LPIN2: variants seen among roughly 807,000 people sequenced by gnomAD.
LPIN2 encodes the protein lipin 2, also known as phosphatidate phosphatase LPIN2.
Under a neutral mutation model 111.4 loss-of-function variants are expected in LPIN2, and 55 were observed. The ratio of observed to expected loss-of-function variants is 0.49; its 90% CI spans 0.40 to 0.62. LPIN2 has a LOEUF of 0.62. Ranked by LOEUF, LPIN2 falls within the 20% of genes least tolerant of loss-of-function variation. LPIN2 has a pLI of 0.00. For missense variants in LPIN2, 992 were observed against 1,112.1 expected (o/e 0.89, Z 1.54); for synonymous variants, 425 against 414.0 (o/e 1.03, Z -0.32).
chr18:3,004,911 G>A (rs2078489055), intron 1 of LPIN2, among the ~76,000 whole-genome samples: 1 of 152,120 alleles, frequency 6.6e-6, no homozygotes, highest in Non-Finnish European at 1.5e-5. Flanking sequence ...GCATGGTAGG[G>A]CCACATCACC....
rs564971189 is a variant in LPIN2 at position 2,920,193 on chromosome 18, C to T, written c.*100G>A. The stretch of plus-strand genomic sequence containing the variant: ...GACCAGCTCCAGAAGCACCCGTCCC[C>T]GCTGGGGAAGGCTGGTATCTGAGGT... On this transcript the variant is annotated 3_prime_UTR_variant, in exon 20 of 20. Coordinates refer to ENST00000677752, the MANE Select transcript of LPIN2 (RefSeq NM_001375808.2). The T allele has an allele frequency of 1.5e-3, 2,284 of 1,535,708 alleles. 4 individuals are homozygous for T. Among genetic ancestry groups the T allele is most frequent in the Non-Finnish European group, 1.8e-3 (1,985 of 1,114,102 alleles).
At chr18:2,928,939 C>A in intron 10 of LPIN2, 126 bp downstream of exon 10, 1 of 722,200 alleles carries the variant, frequency 1.4e-6, no homozygotes, top group South Asian at 1.6e-5. Context: ...AGTCATTGCC[C>A]ACTGGCTAAT....
At chr18:2,922,279 CTTTTCTTTCTTT>C in intron 16 of LPIN2, 80 bp from the exon 17 acceptor site, 1 of 1,502,394 alleles carries the variant, frequency 6.7e-7, no homozygotes, top group Non-Finnish European at 9.1e-7. Flanking sequence ...AAACCCCACA[CTTTTCTTTCTTT>C]TTTTTTTGAG....
intron 2 of LPIN2, among the ~76,000 whole-genome samples, chr18:2,956,541 TGGTACCA>T (rs1355264293): frequency 6.6e-6 from 1 of 152,230 alleles, no homozygotes; most frequent in Non-Finnish European, 1.5e-5. Flanking sequence ...GAACACCTTC[TGGTACCA>T]GGAAGGAAGG....
intron 1 of LPIN2, among the ~76,000 whole-genome samples, chr18:3,007,552 T>A (rs2078535553): frequency 6.6e-6 from 1 of 152,218 alleles, no homozygotes; most frequent in Non-Finnish European, 1.5e-5. Context: ...TCTCAGTGTT[T>A]ACAAAGAAAA....
rs1040752633 is a variant in LPIN2, at chr18:2,922,901, A to G, written c.2175-702T>C. Among the ~76,000 whole-genome samples the G allele has an allele frequency of 4.6e-5, 7 of 152,350 alleles. 1 individual carries two copies. Among genetic ancestry groups the G allele is most frequent in the Middle Eastern group, 6.8e-3 (2 of 294 alleles). On this transcript the variant is annotated intron_variant, in intron 16 of 19. Transcript: ENST00000677752. Reference sequence around the variant, plus strand: ...AAGATGCAAACCACTCCATCAGACAAGAAGCAAAATTATACCCAGGTAACT... The same window carrying G: ...AAGATGCAAACCACTCCATCAGACAGGAAGCAAAATTATACCCAGGTAACT...
intron 4 of LPIN2, among the ~76,000 whole-genome samples, chr18:2,942,718 C>G (rs1251146020): frequency 1.3e-5 from 2 of 152,164 alleles, no homozygotes; most frequent in African/African-American, 2.4e-5. Flanking sequence ...TGCTGAGATC[C>G]CTTTCAGTCC....
At chr18:2,946,653 A>C in intron 4 of LPIN2, 1 of 647,654 alleles carries the variant, frequency 1.5e-6, no homozygotes, top group Non-Finnish European at 2.8e-6. Flanking sequence ...AGTGAGAAAA[A>C]AATCAATTGA....
At chr18:3,007,035 T>G (rs1435299616) in intron 1 of LPIN2, among the ~76,000 whole-genome samples, 1 of 151,660 alleles carries the variant, frequency 6.6e-6, no homozygotes, top group East Asian at 1.9e-4. Context: ...TTTAACATTT[T>G]AAATAACAAA....
intron 4 of LPIN2, chr18:2,946,540 T>C: frequency 6.6e-7 from 1 of 1,514,912 alleles, no homozygotes; most frequent in Non-Finnish European, 9.2e-7. Flanking sequence ...AGGCCATTTT[T>C]TTTCCCACTG....
chr18:2,924,782 A>G (rs1177438002), intron 14 of LPIN2, among the ~76,000 whole-genome samples: 1 of 152,186 alleles, frequency 6.6e-6, no homozygotes, highest in Non-Finnish European at 1.5e-5. Context: ...CAAAAGGTCT[A>G]CTACTCTTAC....
chr18:2,960,526 AAG>A (rs2077696336), intron 2 of LPIN2, 121 bp downstream of exon 2: 1 of 913,448 alleles, frequency 1.1e-6, no homozygotes, highest in Admixed American at 2.2e-5. Context: ...AAAAAAAAAA[AAG>A]GCCTAGAAAA....
At chr18:2,975,280 T>C (rs553461062) in intron 1 of LPIN2, among the ~76,000 whole-genome samples, 5 of 152,326 alleles carry the variant, frequency 3.3e-5, no homozygotes, top group Non-Finnish European at 7.4e-5. Context: ...AGGAATTTCA[T>C]AAAGGCTTTT....
intron 1 of LPIN2, among the ~76,000 whole-genome samples, chr18:3,008,342 C>T (rs1442266912): frequency 1.3e-5 from 2 of 152,226 alleles, no homozygotes; most frequent in Admixed American, 6.5e-5. Context: ...CTCGGGAGTC[C>T]GAGGTGGGAG....
At chr18:3,009,105 A>G (rs1362653491) in intron 1 of LPIN2, among the ~76,000 whole-genome samples, 1 of 152,060 alleles carries the variant, frequency 6.6e-6, no homozygotes, top group African/African-American at 2.4e-5. Context: ...CTCTCTTTCA[A>G]AAGAATTGTT....
chr18:3,006,556 G>A (rs2143498135), intron 1 of LPIN2, among the ~76,000 whole-genome samples: 1 of 152,292 alleles, frequency 6.6e-6, no homozygotes, highest in Middle Eastern at 3.4e-3. Context: ...GCCAAGCATG[G>A]GCCGGGCGCA....
intron 1 of LPIN2, among the ~76,000 whole-genome samples, chr18:3,005,816 A>G (rs1297011125): frequency 6.6e-6 from 1 of 152,208 alleles, no homozygotes; most frequent in East Asian, 1.9e-4. Flanking sequence ...GCTTGGGCCC[A>G]GAAGTTTGAG....
chr18:2,955,095 G>A (rs891443903), intron 2 of LPIN2, among the ~76,000 whole-genome samples: 24 of 152,104 alleles, frequency 1.6e-4, no homozygotes, highest in African/African-American at 4.8e-4. Context: ...TGATGATGGC[G>A]GTTCCATTTT....
At chr18:2,946,604 C>A (rs777577017) in intron 4 of LPIN2, 1 of 849,750 alleles carries the variant, frequency 1.2e-6, no homozygotes, top group East Asian at 2.5e-5. Context: ...TAGCCAATCC[C>A]GTGTTGCTAG....
Sources: allele counts gnomAD v4.1 joint callset (sites outside exome capture counted in the v4.1 genomes callset), GRCh38; gene constraint gnomAD v4.1.1; transcripts MANE v1.5; gene names NCBI Gene and HGNC (gene_info 2026-07-23, HGNC 2026-07-21).